NCOA2: variants seen among roughly 807,000 people sequenced by gnomAD.
NCOA2 encodes class E basic helix-loop-helix protein 75.
NCOA2 carries 21 observed loss-of-function variants against 145.1 expected under a neutral mutation model. The observed-to-expected ratio is 0.14, with a 90% CI of 0.10 to 0.21. The LOEUF (loss-of-function observed/expected upper bound fraction) is 0.21. Among genes scored for constraint, NCOA2 ranks in the 10% least tolerant of loss-of-function variants. The pLI is 1.00. For missense variants in NCOA2, 1,472 were observed against 1,837.6 expected (o/e 0.80, Z 3.64); for synonymous variants, 619 against 637.5 (o/e 0.97, Z 0.44).
intron 1 of NCOA2, among the ~76,000 whole-genome samples, chr8:70,326,336 T>C (rs937053299): frequency 2.6e-5 from 4 of 152,104 alleles, no homozygotes; most frequent in Non-Finnish European, 5.9e-5. Flanking sequence ...TGTGAAAGGA[T>C]ACAGGCATTT....
chr8:70,165,728 A>G (rs1291194515), intron 7 of NCOA2, among the ~76,000 whole-genome samples: 1 of 152,096 alleles, frequency 6.6e-6, no homozygotes, highest in African/African-American at 2.4e-5. Flanking sequence ...ATTGTATTTT[A>G]TCAATTCTGG....
chr8:70,231,875 C>T (rs1347835488), intron 2 of NCOA2, among the ~76,000 whole-genome samples: 1 of 152,160 alleles, frequency 6.6e-6, no homozygotes, highest in South Asian at 2.1e-4. Context: ...CAACATGCAG[C>T]TTAATCCCCC....
At chr8:70,324,486 T>G (rs552662844) in intron 1 of NCOA2, among the ~76,000 whole-genome samples, 98 of 152,228 alleles carry the variant, frequency 6.4e-4, no homozygotes, top group Non-Finnish European at 8.4e-4. Context: ...TGTAGGCACG[T>G]GCCACTGCAC....
chr8:70,353,058 T>C (rs1275776212), intron 1 of NCOA2, among the ~76,000 whole-genome samples: 4 of 150,614 alleles, frequency 2.7e-5, no homozygotes, highest in Non-Finnish European at 5.9e-5. Flanking sequence ...TTGAAAATAT[T>C]AGGTTGTTAG....
intron 1 of NCOA2, among the ~76,000 whole-genome samples, chr8:70,385,621 TCTCA>T (rs1453651183): frequency 6.6e-6 from 1 of 152,118 alleles, no homozygotes; most frequent in African/African-American, 2.4e-5. Flanking sequence ...AGAAATGGGG[TCTCA>T]CTATGTTGGG....
chr8:70,348,512 T>A (rs957724607), intron 1 of NCOA2, among the ~76,000 whole-genome samples: 1 of 152,286 alleles, frequency 6.6e-6, no homozygotes, highest in East Asian at 1.9e-4. Flanking sequence ...TGAACTAGAT[T>A]CAATCAGACA....
chr8:70,261,626 A>G (rs997811758), intron 2 of NCOA2, among the ~76,000 whole-genome samples: 1 of 152,168 alleles, frequency 6.6e-6, no homozygotes, highest in Non-Finnish European at 1.5e-5. Flanking sequence ...GTCAAGTAAA[A>G]GTTTCTAGCT....
intron 4 of NCOA2, among the ~76,000 whole-genome samples, chr8:70,185,335 C>G (rs923626947): frequency 1.3e-5 from 2 of 152,210 alleles, no homozygotes; most frequent in Non-Finnish European, 2.9e-5. Flanking sequence ...TAATAGAACA[C>G]AGAATCATCC....
At chr8:70,268,873 G>A (rs779837023) in intron 2 of NCOA2, among the ~76,000 whole-genome samples, 2 of 152,120 alleles carry the variant, frequency 1.3e-5, no homozygotes, top group African/African-American at 2.4e-5. Flanking sequence ...TATCATTTTG[G>A]TTAGTAGGCT....
chr8:70,268,193 C>A (rs552246790), intron 2 of NCOA2, among the ~76,000 whole-genome samples: 2 of 152,278 alleles, frequency 1.3e-5, no homozygotes, highest in South Asian at 2.1e-4. Flanking sequence ...TGGTCTCTAT[C>A]CTCATTGTCT....
chr8:70,170,269 A>C lies in NCOA2; in HGVS notation c.474T>G (p.Ser158Arg). Reference protein sequence around the residue: ...RYNQEELMNKSVYSILHVGDH... With the variant: ...RYNQEELMNKRVYSILHVGDH... Reference sequence around the variant, plus strand: ...CCCCAACATGCAAGATGCTATATACACTTTTGTTCATCAGCTCTTCTTGGT... The same window carrying C: ...CCCCAACATGCAAGATGCTATATACCCTTTTGTTCATCAGCTCTTCTTGGT... Residue 158 changes from serine to arginine, a missense_variant, in exon 6 of 23, where the codon AGT becomes AGG. By Grantham distance (110) the Ser-to-Arg change is moderately radical. Coordinates refer to ENST00000452400, the MANE Select transcript of NCOA2 (RefSeq NM_006540.4). The C allele has an allele frequency of 6.2e-7, 1 of 1,612,846 alleles. No homozygotes were observed. The highest frequency in any genetic ancestry group is 2.2e-5 in the East Asian group (1 of 44,822).
intron 2 of NCOA2, among the ~76,000 whole-genome samples, chr8:70,263,069 G>T (rs1397992412): frequency 6.6e-6 from 1 of 150,978 alleles, no homozygotes; most frequent in Non-Finnish European, 1.5e-5. Context: ...GCACTTTACA[G>T]CTTCTCTTCA....
intron 4 of NCOA2, 65 bp from the exon 5 acceptor site, chr8:70,174,924 G>C (rs1814656895): frequency 7.1e-7 from 1 of 1,406,136 alleles, no homozygotes. Context: ...ACACAGAAAT[G>C]TTTTTACTGT....
At chr8:70,133,617 T>TA (rs1364564226) in intron 15 of NCOA2, among the ~76,000 whole-genome samples, 3 of 152,202 alleles carry the variant, frequency 2.0e-5, no homozygotes, top group Non-Finnish European at 4.4e-5. Context: ...TTTGTACTCT[T>TA]AGAGTCACTA....
chr8:70,228,239 A>G (rs1471561218), intron 2 of NCOA2, among the ~76,000 whole-genome samples: 1 of 152,148 alleles, frequency 6.6e-6, no homozygotes, highest in Non-Finnish European at 1.5e-5. Flanking sequence ...CACGATTTAT[A>G]TTTTAGCTAT....
chr8:70,177,011 G>C (rs1239425828), intron 4 of NCOA2, among the ~76,000 whole-genome samples: 1 of 152,126 alleles, frequency 6.6e-6, no homozygotes, highest in Admixed American at 6.6e-5. Context: ...CTTCTTTATT[G>C]TCTTCAGTGT....
intron 5 of NCOA2, 51 bp downstream of exon 5, chr8:70,174,705 G>A: frequency 6.9e-7 from 1 of 1,458,676 alleles, no homozygotes; most frequent in Non-Finnish European, 9.6e-7. Flanking sequence ...ATGTAATAAT[G>A]TGAAGATCAA....
At chr8:70,368,950 A>T (rs1810970020) in intron 1 of NCOA2, among the ~76,000 whole-genome samples, 1 of 152,206 alleles carries the variant, frequency 6.6e-6, no homozygotes, top group Non-Finnish European at 1.5e-5. Flanking sequence ...TATAATGGCT[A>T]CTAAAATATT....
rs1393043610 is a variant in NCOA2 at position 70,138,869 on chromosome 8, T to C, written c.3029-537A>G. 5.9e-5 allele frequency among the ~76,000 whole-genome samples: 9 copies of C among 152,390 alleles called. No individual in the cohort carries two copies. The East Asian group carries it at 1.2e-3, about 20-fold the overall frequency. On this transcript the variant is annotated intron_variant, in intron 14 of 22. Coordinates refer to ENST00000452400, the MANE Select transcript of NCOA2 (RefSeq NM_006540.4). Reference sequence around the variant, plus strand: ...TCGCATTTCATCTTCTGTGATATCATATAGCATGTAAAATTTCTGGAAAAC... The same window carrying C: ...TCGCATTTCATCTTCTGTGATATCACATAGCATGTAAAATTTCTGGAAAAC...
Sources: gnomAD v4.1 joint callset for allele counts (sites outside exome capture counted in the v4.1 genomes callset) on GRCh38, gnomAD v4.1.1 for gene constraint, MANE v1.5 for transcripts, NCBI Gene and HGNC (gene_info 2026-07-23, HGNC 2026-07-21) for gene names.